The following PADI4 variants were observed in gnomAD, a reference collection of about 807,000 sequenced individuals.
The protein encoded by PADI4 is peptidyl arginine deiminase 4.
Under a neutral mutation model 75.0 loss-of-function variants are expected in PADI4, and 62 were observed. The observed-to-expected ratio is 0.83, with a 90% CI of 0.67 to 1.02. The LOEUF is 1.02. Among genes scored for constraint, PADI4 ranks in the 50% least tolerant of loss-of-function variants. The probability of loss-of-function intolerance (pLI) is 0.00; values close to 1 mark genes in which losing one functional copy is unlikely to be tolerated. For missense variants in PADI4, 845 were observed against 850.5 expected (o/e 0.99, Z 0.08); for synonymous variants, 361 against 348.1 (o/e 1.04, Z -0.41).
intron 1 of PADI4, among the ~76,000 whole-genome samples, chr1:17,308,955 G>A (rs979064622): frequency 1.3e-5 from 2 of 152,160 alleles, no homozygotes; most frequent in South Asian, 2.1e-4. Context: ...TTAGCACAGT[G>A]GTGGGCCCAT....
chr1:17,349,341 A>T (rs2074579113), intron 10 of PADI4, among the ~76,000 whole-genome samples: 1 of 152,180 alleles, frequency 6.6e-6, no homozygotes, highest in South Asian at 2.1e-4. Context: ...CCTTTCCCAC[A>T]GACAACTTTG....
chr1:17,326,404 A>C (rs1032996358), intron 1 of PADI4, among the ~76,000 whole-genome samples: 1 of 152,354 alleles, frequency 6.6e-6, no homozygotes, highest in East Asian at 1.9e-4. Flanking sequence ...ATAGTATTTT[A>C]GTTATTGCTC....
intron 3 of PADI4, chr1:17,334,793 A>G: frequency 2.8e-6 from 1 of 352,380 alleles, no homozygotes; most frequent in Non-Finnish European, 5.6e-6. Context: ...CCATTCTTAA[A>G]CTTGACCTCA....
In PADI4 at chr1:17,342,015, G is replaced by A; in HGVS notation, c.725G>A (p.Gly242Asp). ...CCCTCTCACTACCTGATGGTCCCCG[G>A]TGGAAAGCACAACATGGACTTCTAC... is the stretch of plus-strand genomic sequence containing the variant. ...KWPSHYLMVP[G>D]GKHNMDFYVE... Residue 242 changes from glycine to aspartate, a missense_variant, in exon 7 of 16, where the codon GGT becomes GAT. Physicochemically the swap from Gly to Asp is moderately conservative, Grantham distance 94. Coordinates refer to ENST00000375448, the MANE Select transcript of PADI4 (RefSeq NM_012387.3). The A allele has an allele frequency of 1.2e-6, 2 of 1,614,018 alleles. No individual in the cohort carries two copies. The highest frequency in any genetic ancestry group is 1.7e-6 in the Non-Finnish European group (2 of 1,179,882).
intron 1 of PADI4, among the ~76,000 whole-genome samples, chr1:17,325,714 AT>A (rs11378800): frequency 0.18 from 26,999 of 147,386 alleles, 2,788 homozygotes; most frequent in African/African-American, 0.29. Flanking sequence ...CACGTTCCTG[AT>A]TTTTTTTTTT....
intron 10 of PADI4, among the ~76,000 whole-genome samples, chr1:17,352,149 G>GCGGT (rs2074666400): frequency 1.3e-5 from 2 of 149,994 alleles, no homozygotes; most frequent in African/African-American, 4.9e-5. Context: ...AGTAGGAGAG[G>GCGGT]CAATCAGGGA....
chr1:17,334,653 A>G, intron 3 of PADI4: 1 of 456,092 alleles, frequency 2.2e-6, no homozygotes, highest in South Asian at 1.5e-5. Flanking sequence ...GTAGATAATG[A>G]CACTGTCTTA....
At chr1:17,352,210 A>AGG (rs1557577587) in intron 10 of PADI4, among the ~76,000 whole-genome samples, 27 of 113,602 alleles carry the variant, frequency 2.4e-4, no homozygotes, top group Admixed American at 7.6e-4. Context: ...GGGAGGTGGT[A>AGG]AGAGGGGTGG....
In PADI4 at chr1:17,310,012, G is replaced by A. The variant is rs184088423; in HGVS notation, c.92+1698G>A. Among the ~76,000 whole-genome samples, 326 of 152,218 alleles carry A rather than the reference G, an allele frequency of 2.1e-3. 2 individuals carry two copies. The highest frequency in any genetic ancestry group is 7.2e-3 in the African/African-American group (297 of 41,526). On this transcript the variant is annotated intron_variant, in intron 1 of 15. Coordinates refer to ENST00000375448, the MANE Select transcript of PADI4 (RefSeq NM_012387.3). ...TGGTCAGTGTTGGGCAGAGAGGAAG[G>A]CACTGCCCATTTCTCCCAGAAAGGA...
intron 2 of PADI4, among the ~76,000 whole-genome samples, chr1:17,331,771 A>T (rs1557552593): frequency 6.6e-6 from 1 of 152,110 alleles, no homozygotes. Flanking sequence ...TACAAAAATT[A>T]GCTGGGCGTA....
At chr1:17,340,438 C>T (rs2074397428) in intron 6 of PADI4, among the ~76,000 whole-genome samples, 1 of 151,924 alleles carries the variant, frequency 6.6e-6, no homozygotes, top group Non-Finnish European at 1.5e-5. Flanking sequence ...GGAAGGTGTC[C>T]CCCATGAGGT....
intron 1 of PADI4, among the ~76,000 whole-genome samples, chr1:17,318,852 A>AT (rs796599100): frequency 2.7e-5 from 4 of 150,662 alleles, no homozygotes; most frequent in Admixed American, 6.6e-5. Context: ...CTCCCGGCTA[A>AT]TTTTTTTTTG....
At chr1:17,341,325 T>G (rs2074415184) in intron 6 of PADI4, among the ~76,000 whole-genome samples, 1 of 152,204 alleles carries the variant, frequency 6.6e-6, no homozygotes, top group South Asian at 2.1e-4. Context: ...GGTCTGGATC[T>G]CCTGACCTTG....
chr1:17,336,618 AG>A (rs1355676859), intron 4 of PADI4, among the ~76,000 whole-genome samples: 4 of 152,196 alleles, frequency 2.6e-5, no homozygotes, highest in Non-Finnish European at 5.9e-5. Flanking sequence ...AAGAAATGGC[AG>A]GGGGAGAGGC....
chr1:17,311,372 C>T (rs563942739), intron 1 of PADI4, among the ~76,000 whole-genome samples: 1 of 152,290 alleles, frequency 6.6e-6, no homozygotes, highest in African/African-American at 2.4e-5. Context: ...CCCCTGGGCA[C>T]TGCTCCCTGT....
At chr1:17,333,491 C>T (rs2074253163) in intron 2 of PADI4, among the ~76,000 whole-genome samples, 1 of 151,974 alleles carries the variant, frequency 6.6e-6, no homozygotes, top group Non-Finnish European at 1.5e-5. Context: ...AACCTCCATC[C>T]ACTCAAAGCT....
At chr1:17,335,475 T>G (rs921870167) in intron 3 of PADI4, among the ~76,000 whole-genome samples, 2 of 152,298 alleles carry the variant, frequency 1.3e-5, no homozygotes, top group South Asian at 2.1e-4. Flanking sequence ...AACTAAGACG[T>G]GGCTATGAAT....
intron 8 of PADI4, 44 bp downstream of exon 8, chr1:17,342,446 G>A (rs1485949674): frequency 1.7e-6 from 2 of 1,170,266 alleles, no homozygotes; most frequent in African/African-American, 1.5e-5. Context: ...ACAACAAAGA[G>A]CCTGAGTTCC....
intron 14 of PADI4, 29 bp downstream of exon 14, chr1:17,358,937 A>C: frequency 1.3e-6 from 2 of 1,492,112 alleles, no homozygotes; most frequent in Non-Finnish European, 1.9e-6. Context: ...ACACCCCAGC[A>C]GACCTGACGC....
Sources: allele counts gnomAD v4.1 joint callset (sites outside exome capture counted in the v4.1 genomes callset), GRCh38; gene constraint gnomAD v4.1.1; transcripts MANE v1.5; gene names NCBI Gene and HGNC (gene_info 2026-07-23, HGNC 2026-07-21).